The following NWD1 variants were observed in gnomAD, a reference collection of about 807,000 sequenced individuals.
NWD1 encodes NACHT domain- and WD repeat-containing protein 1.
A neutral mutation model predicts 135.1 loss-of-function variants in NWD1; 129 were observed. That is an observed-to-expected ratio of 0.96 (90% CI 0.83 to 1.11). The LOEUF is 1.11. Among genes scored for constraint, NWD1 ranks in the 50% least tolerant of loss-of-function variants. The pLI is 0.00. For synonymous variants in NWD1, 773 were observed against 786.0 expected, an observed-to-expected ratio of 0.98 and a Z score of 0.28; for missense variants, 1,740 against 1,851.3, an observed-to-expected ratio of 0.94 and a Z score of 1.10.
chr19:16,741,181 G>A (rs1968063458), intron 4 of NWD1, among the ~76,000 whole-genome samples: 1 of 151,774 alleles, frequency 6.6e-6, no homozygotes, highest in Non-Finnish European at 1.5e-5. Flanking sequence ...AAGGGGGAGG[G>A]GACAGCCTTA....
At chr19:16,772,056 C>G (rs1484861505) in intron 10 of NWD1, among the ~76,000 whole-genome samples, 2 of 152,076 alleles carry the variant, frequency 1.3e-5, no homozygotes, top group Non-Finnish European at 2.9e-5. Flanking sequence ...TATCCCTCCT[C>G]TGATCCTACT....
At position 16,762,277 on chromosome 19, in the gene NWD1, T is replaced by C. The variant is rs1164870132; in HGVS notation, c.2133+139T>C. On this transcript the variant is annotated intron_variant, in intron 8 of 18. Coordinates refer to ENST00000524140, the MANE Select transcript of NWD1 (RefSeq NM_001007525.5). ...TTCCGCACAGAGGGCAAGATGTCCC[T>C]TCTACTGTCCCCCCCACTCCTTTTT... The C allele has an allele frequency of 1.1e-5, 7 of 660,330 alleles. No homozygotes were observed. The East Asian group carries it at 1.7e-4, about 16-fold the overall frequency. 40.9% of individuals were successfully genotyped at this position (660,330 alleles called of 1,614,324 possible).
intron 3 of NWD1, among the ~76,000 whole-genome samples, chr19:16,734,062 G>A (rs1304922526): frequency 2.0e-5 from 3 of 152,052 alleles, no homozygotes; most frequent in African/African-American, 7.2e-5. Context: ...CCTGAACTGA[G>A]CTGTTCTGCC....
intron 15 of NWD1, among the ~76,000 whole-genome samples, chr19:16,796,899 C>A (rs1970433667): frequency 6.6e-6 from 1 of 152,126 alleles, no homozygotes; most frequent in South Asian, 2.1e-4. Flanking sequence ...TGATTACTGG[C>A]TGGGTACGGT....
intron 12 of NWD1, among the ~76,000 whole-genome samples, chr19:16,787,892 AATAATAATAATAATCATC>A (rs925707339): frequency 2.9e-4 from 23 of 78,998 alleles, no homozygotes; most frequent in African/African-American, 9.6e-4. Flanking sequence ...TAATAATAAT[AATAATAATAATAATCATC>A]ATCATCATCA....
intron 1 of NWD1, among the ~76,000 whole-genome samples, chr19:16,723,676 C>CTGTTTTGTTTTGTTTTGTTT (rs60100795): frequency 4.7e-5 from 7 of 149,674 alleles, no homozygotes; most frequent in African/African-American, 7.4e-5. Context: ...ACAGCTTTTT[C>CTGTTTTGTTTTGTTTTGTTT]TGTTTTGTTT....
intron 12 of NWD1, among the ~76,000 whole-genome samples, chr19:16,781,555 A>T (rs1461723142): frequency 6.6e-6 from 1 of 151,762 alleles, no homozygotes; most frequent in East Asian, 1.9e-4. Flanking sequence ...GATTGGGGCT[A>T]CAGTGAGCTG....
chr19:16,765,015 C>A lies in NWD1; in HGVS notation c.2252-19C>A, dbSNP rs763696152. 10 of 1,613,132 alleles carry A rather than the reference C, an allele frequency of 6.2e-6. No homozygotes were observed. Among genetic ancestry groups the A allele is most frequent in the Non-Finnish European group, 7.6e-6 (9 of 1,179,442 alleles). On this transcript the variant is annotated intron_variant, in intron 9 of 18. Coordinates refer to ENST00000524140, the MANE Select transcript of NWD1 (RefSeq NM_001007525.5). The stretch of plus-strand genomic sequence containing the variant: ...GGGAGGTAGGCACTTCCCACATCCT[C>A]CCCCCTTCTCTCCCTCAGGCAGCAT...
At chr19:16,792,266 C>T (rs925736154) in intron 14 of NWD1, among the ~76,000 whole-genome samples, 7 of 151,994 alleles carry the variant, frequency 4.6e-5, no homozygotes, top group South Asian at 2.1e-4. Flanking sequence ...ACTGGCTGGG[C>T]GCTGTGTCTC....
At chr19:16,794,373 A>G in intron 14 of NWD1, 90 bp from the exon 15 acceptor site, 2 of 755,774 alleles carry the variant, frequency 2.6e-6, no homozygotes, top group East Asian at 5.5e-5. Flanking sequence ...CTCAAAAACA[A>G]AAAAAATAAA....
At chr19:16,795,269 G>A (rs2123072766) in intron 15 of NWD1, among the ~76,000 whole-genome samples, 1 of 152,300 alleles carries the variant, frequency 6.6e-6, no homozygotes, top group East Asian at 1.9e-4. Flanking sequence ...GTGAATGTAG[G>A]GTCCAGCTGG....
chr19:16,736,801 C>G, intron 4 of NWD1, 51 bp downstream of exon 4: 1 of 1,079,524 alleles, frequency 9.3e-7, no homozygotes, highest in Non-Finnish European at 1.4e-6. Flanking sequence ...AGGATATGCC[C>G]CCTGCTTTCT....
chr19:16,754,276 T>TATTC (rs1968696207), intron 6 of NWD1, among the ~76,000 whole-genome samples: 1 of 146,540 alleles, frequency 6.8e-6, no homozygotes, highest in Admixed American at 6.8e-5. Context: ...ATCATCTCTA[T>TATTC]ATTCCATCCA....
chr19:16,798,691 A>T (rs1007325767), intron 16 of NWD1, among the ~76,000 whole-genome samples: 6 of 152,166 alleles, frequency 3.9e-5, no homozygotes, highest in African/African-American at 1.4e-4. Flanking sequence ...GTGTGGCATG[A>T]TCTCAGCTCA....
chr19:16,794,060 A>AT (rs1389085156), intron 14 of NWD1, among the ~76,000 whole-genome samples: 1 of 152,070 alleles, frequency 6.6e-6, no homozygotes, highest in East Asian at 1.9e-4. Flanking sequence ...TGCCCAGCTA[A>AT]AATTTTTATT....
intron 2 of NWD1, among the ~76,000 whole-genome samples, chr19:16,729,097 C>T (rs1967451448): frequency 6.6e-6 from 1 of 152,038 alleles, no homozygotes; most frequent in Non-Finnish European, 1.5e-5. Flanking sequence ...ATGTGGGAGC[C>T]TCCTGGACCC....
chr19:16,796,109 G>A (rs1015344127), intron 15 of NWD1, among the ~76,000 whole-genome samples: 1 of 152,096 alleles, frequency 6.6e-6, no homozygotes, highest in African/African-American at 2.4e-5. Flanking sequence ...GGAGGGGCAG[G>A]TGGTAGGTAG....
intron 6 of NWD1, among the ~76,000 whole-genome samples, chr19:16,752,700 T>C (rs1367371805): frequency 6.6e-6 from 1 of 151,894 alleles, no homozygotes; most frequent in Non-Finnish European, 1.5e-5. Flanking sequence ...TTACACTCTA[T>C]AAGAGTACAA....
intron 11 of NWD1, among the ~76,000 whole-genome samples, chr19:16,773,655 C>G (rs1361073847): frequency 1.3e-5 from 2 of 152,160 alleles, no homozygotes; most frequent in East Asian, 1.9e-4. Context: ...GAACTGATGC[C>G]TGACAGTCCT....
Sources: allele counts gnomAD v4.1 joint callset (sites outside exome capture counted in the v4.1 genomes callset), GRCh38; gene constraint gnomAD v4.1.1; transcripts MANE v1.5; gene names NCBI Gene and HGNC (gene_info 2026-07-23, HGNC 2026-07-21).